Variants in SYN3 observed in about 807,000 individuals in gnomAD.
SYN3 encodes the protein synapsin III.
SYN3 carries 35 observed loss-of-function variants against 65.8 expected under a neutral mutation model. The ratio of observed to expected loss-of-function variants is 0.53; its 90% CI spans 0.41 to 0.70. SYN3 has a LOEUF of 0.70. Among genes scored for constraint, SYN3 ranks in the 30% least tolerant of loss-of-function variants. The pLI is 0.00. For missense variants in SYN3, 680 were observed against 749.0 expected (o/e 0.91, Z 1.08); for synonymous variants, 270 against 292.9 (o/e 0.92, Z 0.80).
chr22:32,851,191 AG>A (rs933707309), intron 6 of SYN3, among the ~76,000 whole-genome samples: 1 of 152,202 alleles, frequency 6.6e-6, no homozygotes, highest in African/African-American at 2.4e-5. Flanking sequence ...GGAATGCCAA[AG>A]CATATTAGAC....
chr22:32,642,623 G>A (rs893322833), intron 6 of SYN3, among the ~76,000 whole-genome samples: 7 of 151,842 alleles, frequency 4.6e-5, no homozygotes, highest in African/African-American at 1.7e-4. Context: ...TGTATTTTTA[G>A]TCGAGATGGG....
In SYN3 at chr22:33,011,911, A is replaced by G. The variant is rs189631216; in HGVS notation, c.-162-5087T>C. Among the ~76,000 whole-genome samples the G allele has an allele frequency of 2.7e-4, 41 of 152,188 alleles. 1 individual carries two copies. In the East Asian group the frequency reaches 7.1e-3, roughly 27 times the overall value. ...TATGATTCCTCCTGATATTCCTGAT[A>G]TTGGTAATTTGCTTTTTCTCTCTTT... On this transcript the variant is annotated intron_variant, in intron 1 of 13. Coordinates refer to ENST00000358763, the MANE Select transcript of SYN3 (RefSeq NM_003490.4).
intron 6 of SYN3, among the ~76,000 whole-genome samples, chr22:32,756,719 AC>A (rs2045301835): frequency 6.6e-6 from 1 of 152,118 alleles, no homozygotes; most frequent in African/African-American, 2.4e-5. Context: ...CACCTCTCTC[AC>A]CATGTGACTT....
intron 6 of SYN3, among the ~76,000 whole-genome samples, chr22:32,828,536 C>T (rs1350990274): frequency 6.6e-6 from 1 of 152,182 alleles, no homozygotes; most frequent in East Asian, 1.9e-4. Flanking sequence ...GCCTTCTAGG[C>T]CACAGGCAGG....
chr22:32,827,232 G>A (rs1288852583), intron 6 of SYN3, among the ~76,000 whole-genome samples: 2 of 152,160 alleles, frequency 1.3e-5, no homozygotes, highest in African/African-American at 4.8e-5. Flanking sequence ...CACATTGCTG[G>A]GTGTTAGCTT....
At chr22:32,702,488 A>G (rs1012641068) in intron 6 of SYN3, among the ~76,000 whole-genome samples, 3 of 152,142 alleles carry the variant, frequency 2.0e-5, no homozygotes, top group Admixed American at 1.3e-4. Flanking sequence ...AAATAAATAG[A>G]AGCATCTAAA....
chr22:32,825,398 C>T (rs189459306), intron 6 of SYN3, among the ~76,000 whole-genome samples: 4 of 152,154 alleles, frequency 2.6e-5, no homozygotes, highest in East Asian at 3.9e-4. Context: ...CGGTGGCTCA[C>T]GCCTGTAATC....
chr22:32,918,491 T>C (rs911095208), intron 4 of SYN3, among the ~76,000 whole-genome samples: 5 of 152,194 alleles, frequency 3.3e-5, no homozygotes, highest in Non-Finnish European at 7.4e-5. Flanking sequence ...AACAACAAAA[T>C]AAATTATACA....
intron 6 of SYN3, among the ~76,000 whole-genome samples, chr22:32,697,247 AT>A (rs1284968891): frequency 6.6e-6 from 1 of 152,246 alleles, no homozygotes; most frequent in Non-Finnish European, 1.5e-5. Context: ...AGGAGGAAAC[AT>A]CAACAGAAAT....
chr22:32,663,575 G>A (rs1012421012), intron 6 of SYN3, among the ~76,000 whole-genome samples: 55 of 152,282 alleles, frequency 3.6e-4, no homozygotes, highest in African/African-American at 9.4e-4. Flanking sequence ...TGGGATTACA[G>A]GCATGAGCCA....
chr22:32,615,861 C>T (rs1214820208), intron 6 of SYN3, among the ~76,000 whole-genome samples: 1 of 152,204 alleles, frequency 6.6e-6, no homozygotes, highest in East Asian at 1.9e-4. Context: ...AAAGGGCATC[C>T]AGGTACGACA....
chr22:32,868,916 C>T, intron 5 of SYN3, 50 bp downstream of exon 5: 1 of 1,575,358 alleles, frequency 6.3e-7, no homozygotes, highest in Non-Finnish European at 8.7e-7. Context: ...GAGTGGGAGG[C>T]CACCCACTGC....
chr22:33,023,206 G>A (rs549104793), intron 1 of SYN3, among the ~76,000 whole-genome samples: 2 of 152,218 alleles, frequency 1.3e-5, no homozygotes, highest in South Asian at 2.1e-4. Context: ...TCCGTGTCCC[G>A]ACCCAAATCT....
At chr22:33,033,522 G>T (rs2145906558) in intron 1 of SYN3, among the ~76,000 whole-genome samples, 1 of 152,206 alleles carries the variant, frequency 6.6e-6, no homozygotes, top group Non-Finnish European at 1.5e-5. Context: ...TGTTTAGCCA[G>T]AGGGCTTTAT....
intron 3 of SYN3, among the ~76,000 whole-genome samples, chr22:32,978,981 C>A (rs1418033381): frequency 6.6e-6 from 1 of 151,932 alleles, no homozygotes; most frequent in Non-Finnish European, 1.5e-5. Context: ...GAGTTTGAGA[C>A]TAGCCTGACC....
intron 6 of SYN3, among the ~76,000 whole-genome samples, chr22:32,671,612 C>T (rs1320606551): frequency 2.6e-5 from 4 of 151,194 alleles, no homozygotes; most frequent in South Asian, 2.1e-4. Flanking sequence ...GGTGCACACA[C>T]GCTCTCACAC....
intron 6 of SYN3, among the ~76,000 whole-genome samples, chr22:32,740,888 A>G (rs2061395706): frequency 6.6e-6 from 1 of 152,212 alleles, no homozygotes; most frequent in Non-Finnish European, 1.5e-5. Context: ...GAAGGATCAA[A>G]TGAGGTGATC....
chr22:32,949,028 T>C (rs1047280363), intron 3 of SYN3, among the ~76,000 whole-genome samples: 5 of 152,162 alleles, frequency 3.3e-5, no homozygotes, highest in Non-Finnish European at 7.4e-5. Context: ...TTGCAGTATA[T>C]ATACTTACCA....
intron 6 of SYN3, among the ~76,000 whole-genome samples, chr22:32,755,856 C>T (rs572923552): frequency 4.6e-5 from 7 of 152,106 alleles, no homozygotes; most frequent in African/African-American, 1.7e-4. Flanking sequence ...AAAGTTAAAA[C>T]GTGGCCCATA....
Sources: allele counts gnomAD v4.1 joint callset (sites outside exome capture counted in the v4.1 genomes callset), GRCh38; gene constraint gnomAD v4.1.1; transcripts MANE v1.5; gene names NCBI Gene and HGNC (gene_info 2026-07-23, HGNC 2026-07-21).